The following STXBP5 variants were observed in gnomAD, a reference collection of about 807,000 sequenced individuals.
The protein encoded by STXBP5 is syntaxin-binding protein 5.
STXBP5 carries 50 observed loss-of-function variants against 152.4 expected under a neutral mutation model. The ratio of observed to expected loss-of-function variants is 0.33; its 90% confidence interval spans 0.26 to 0.42. The LOEUF (loss-of-function observed/expected upper bound fraction) is 0.42, where lower values mean the gene tolerates loss of function less well. Among genes scored for constraint, STXBP5 ranks in the 10% least tolerant of loss-of-function variants. STXBP5 has a pLI of 1.00. For synonymous variants in STXBP5, 492 were observed against 494.7 expected, an observed-to-expected ratio of 0.99 and a Z score of 0.07; for missense variants, 1,167 against 1,388.6, an observed-to-expected ratio of 0.84 and a Z score of 2.54.
chr6:147,233,267 G>T (rs1651821940), intron 2 of STXBP5, among the ~76,000 whole-genome samples: 1 of 151,672 alleles, frequency 6.6e-6, no homozygotes, highest in Non-Finnish European at 1.5e-5. Context: ...GAAATAGACT[G>T]TATATGAATG....
At chr6:147,269,987 GAAAC>G (rs1028631753) in intron 7 of STXBP5, among the ~76,000 whole-genome samples, 2 of 152,078 alleles carry the variant, frequency 1.3e-5, no homozygotes, top group Non-Finnish European at 2.9e-5. Context: ...GAAGAAACAC[GAAAC>G]AAACTACATA....
chr6:147,328,983 A>G (rs998185401), intron 18 of STXBP5, among the ~76,000 whole-genome samples: 3 of 152,300 alleles, frequency 2.0e-5, no homozygotes, highest in African/African-American at 7.2e-5. Context: ...CCAAGATACT[A>G]GTATTTAATG....
intron 4 of STXBP5, among the ~76,000 whole-genome samples, chr6:147,250,993 A>T (rs1210850463): frequency 6.7e-6 from 1 of 149,754 alleles, no homozygotes; most frequent in Non-Finnish European, 1.5e-5. Flanking sequence ...AAAAAAAAAA[A>T]GAAGGCCGAA....
intron 4 of STXBP5, 130 bp from the exon 5 acceptor site, chr6:147,260,485 A>G: frequency 1.0e-6 from 1 of 999,922 alleles, no homozygotes; most frequent in Non-Finnish European, 1.5e-6. Context: ...GTCACAATGA[A>G]TAGATAAATC....
intron 7 of STXBP5, among the ~76,000 whole-genome samples, chr6:147,274,248 G>GCATTCATT (rs539546376): frequency 1.7e-4 from 26 of 152,014 alleles, no homozygotes; most frequent in African/African-American, 3.6e-4. Context: ...CTTGGATTAT[G>GCATTCATT]CATTCATTCA....
intron 2 of STXBP5, among the ~76,000 whole-genome samples, chr6:147,229,135 T>C (rs1201849567): frequency 3.9e-5 from 6 of 152,108 alleles, no homozygotes; most frequent in Non-Finnish European, 8.8e-5. Flanking sequence ...CCTCCTGTGC[T>C]GCATTTCATT....
intron 2 of STXBP5, among the ~76,000 whole-genome samples, chr6:147,229,951 A>G (rs373423491): frequency 6.6e-6 from 1 of 152,004 alleles, no homozygotes; most frequent in Non-Finnish European, 1.5e-5. Flanking sequence ...GTGGGAAAGC[A>G]TTCAGTCCTT....
chr6:147,363,713 T>C lies in STXBP5; in HGVS notation c.2915+9T>C. ...CATATAATGACTTTTAGGTAAGAGT[T>C]AGATATGTTTTAAAACACAGATATA... On this transcript the variant is annotated intron_variant, in intron 24 of 27. Transcript: ENST00000321680. 6.3e-7 allele frequency: 1 copy of C among 1,592,874 alleles called. No individual in the cohort carries two copies. The highest frequency in any genetic ancestry group is 8.5e-7 in the Non-Finnish European group (1 of 1,172,030).
Position 147,241,852 on chromosome 6 carries a change from A to G in STXBP5, c.431+2582A>G, listed in dbSNP as rs762778356. 1.8e-4 allele frequency among the ~76,000 whole-genome samples: 27 copies of G among 152,226 alleles called. 1 individual carries two copies. The highest frequency in any genetic ancestry group is 1.5e-5 in the Non-Finnish European group (1 of 68,032). ...CCTATTGTGCTACCAGTTGTCTAAA[A>G]GTATAGCACATATAATTGTGTACAG... is the stretch of plus-strand genomic sequence containing the variant. On this transcript the variant is annotated intron_variant, in intron 4 of 27. Transcript: ENST00000321680.
At chr6:147,251,701 A>G (rs566524029) in intron 4 of STXBP5, among the ~76,000 whole-genome samples, 9 of 152,354 alleles carry the variant, frequency 5.9e-5, no homozygotes, top group African/African-American at 2.2e-4. Flanking sequence ...CCGGCTCTGA[A>G]GAGAGCAGCA....
At chr6:147,258,668 C>T (rs964476135) in intron 4 of STXBP5, among the ~76,000 whole-genome samples, 25 of 152,220 alleles carry the variant, frequency 1.6e-4, no homozygotes, top group African/African-American at 4.6e-4. Context: ...CTCCTGACCT[C>T]GTGATCTGCC....
chr6:147,363,692 T>C lies in STXBP5; in HGVS notation c.2903T>C (p.Ile968Thr), dbSNP rs1785167267. Residue 968 changes from isoleucine to threonine, a missense_variant, in exon 24 of 28, where the codon ATA (isoleucine) becomes ACA (threonine). Ile to Thr is a moderately conservative substitution (Grantham distance 89, BLOSUM62 -1). Transcript: ENST00000321680. ...GCCTGTTTCTGTGCCAATGGACATA[T>C]AATGACTTTTAGGTAAGAGTTAGAT... ...CLACFCANGHIMTFSLPSLRP... is the reference protein window; with the variant it reads ...CLACFCANGHTMTFSLPSLRP... 7.5e-6 allele frequency: 12 copies of C among 1,609,120 alleles called. No individual in the cohort carries two copies. The highest frequency in any genetic ancestry group is 1.0e-5 in the Non-Finnish European group (12 of 1,178,216).
At chr6:147,284,180 C>T (rs1780840485) in intron 8 of STXBP5, among the ~76,000 whole-genome samples, 1 of 152,030 alleles carries the variant, frequency 6.6e-6, no homozygotes, top group South Asian at 2.1e-4. Context: ...ATACATTTTA[C>T]GTGTCCCGCT....
At position 147,325,075 on chromosome 6, in the gene STXBP5, C is replaced by G; in HGVS notation, c.1919C>G (p.Ser640Cys). 2 of 1,543,824 alleles carry G rather than the reference C, an allele frequency of 1.3e-6. No individual in the cohort carries two copies. The highest frequency in any genetic ancestry group is 1.8e-6 in the Non-Finnish European group (2 of 1,141,316). ...QQITSLAVNS[S>C]YGLVVFGNCN... The stretch of plus-strand genomic sequence containing the variant: ...ATAACCAGCCTGGCAGTCAATTCTT[C>G]CTATGGACTGTAAGTATAAGTTACG... The change falls in exon 17 of 28, where the codon TCC (serine) becomes TGC (cysteine). Residue 640 changes from serine (S) to cysteine (C), a missense_variant. Physicochemically the swap from Ser to Cys is moderately radical, Grantham distance 112 (BLOSUM62 -1). Transcript: ENST00000321680.
Position 147,260,708 on chromosome 6 carries a change from A to ACT in STXBP5, c.529_530dup (p.Gly178GlnfsTer25). Reference sequence around the variant, plus strand: ...ATATTGTCAATGTGGAGTCCTTCACACTCTCAGGCTACGTCATTATGTGGA... The same window carrying ACT: ...ATATTGTCAATGTGGAGTCCTTCACACTCTCTCAGGCTACGTCATTATGTGGA... On this transcript the variant is annotated frameshift_variant, in exon 5 of 28. Coordinates refer to ENST00000321680, the MANE Select transcript of STXBP5 (RefSeq NM_001127715.4). LOFTEE classifies it high-confidence loss of function. 1 of 1,613,628 alleles carries ACT rather than the reference A, an allele frequency of 6.2e-7. No homozygotes were observed. Among genetic ancestry groups the ACT allele is most frequent in the Non-Finnish European group, 8.5e-7 (1 of 1,179,702 alleles).
In STXBP5 at chr6:147,385,652, G is replaced by T. The variant is rs548086592; in HGVS notation, c.*897G>T. The T allele has an allele frequency of 6.6e-6, 1 of 152,112 alleles. No homozygotes were observed. The highest frequency in any genetic ancestry group is 1.9e-4 in the East Asian group (1 of 5,178). 9.4% of individuals were successfully genotyped at this position (152,112 alleles called of 1,614,324 possible). A position where few individuals can be genotyped will look rare whatever the true frequency, so the allele number is the denominator to read the frequency against. The stretch of plus-strand genomic sequence containing the variant: ...TAAATTTGTAGAAATGTTGAAATTG[G>T]CTGTGTTTTAAATTTTGCTTGAATT... On this transcript the variant is annotated 3_prime_UTR_variant, in exon 28 of 28. Coordinates refer to ENST00000321680, the MANE Select transcript of STXBP5 (RefSeq NM_001127715.4).
At chr6:147,264,899 A>G (rs936199022) in intron 6 of STXBP5, among the ~76,000 whole-genome samples, 1 of 151,972 alleles carries the variant, frequency 6.6e-6, no homozygotes, top group African/African-American at 2.4e-5. Context: ...AGCTGGCTAG[A>G]GAGGTTAAAG....
At chr6:147,252,109 A>G (rs1248990455) in intron 4 of STXBP5, among the ~76,000 whole-genome samples, 1 of 152,212 alleles carries the variant, frequency 6.6e-6, no homozygotes. Flanking sequence ...AGATAAATCA[A>G]CAAAGATAAG....
In STXBP5 at chr6:147,211,449, C is replaced by A. The variant is rs114237441; in HGVS notation, c.248+5381C>A. Among the ~76,000 whole-genome samples, 1,228 of 151,806 alleles carry A rather than the reference C, an allele frequency of 8.1e-3. 19 individuals carry two copies. Among genetic ancestry groups the A allele is most frequent in the African/African-American group, 0.029 (1,179 of 41,362 alleles). ...TTAATGACTTTCTGTACTGTACTTA[C>A]AAGATAGCATTAGAATATTTTGACT... On this transcript the variant is annotated intron_variant, in intron 2 of 27. Coordinates refer to ENST00000321680, the MANE Select transcript of STXBP5 (RefSeq NM_001127715.4).
Sources: allele counts gnomAD v4.1 joint callset (sites outside exome capture counted in the v4.1 genomes callset), GRCh38; gene constraint gnomAD v4.1.1; transcripts MANE v1.5; gene names NCBI Gene and HGNC (gene_info 2026-07-23, HGNC 2026-07-21).